GLIS3: variants seen among roughly 807,000 people sequenced by gnomAD.
The protein encoded by GLIS3 is zinc finger protein GLIS3.
In GLIS3, 53 loss-of-function variants were observed where a neutral mutation model predicts 78.6. That is an observed-to-expected ratio of 0.67 (90% CI 0.54 to 0.85). GLIS3 has a LOEUF of 0.85. GLIS3 is among the 40% of genes least tolerant of loss of function. GLIS3 has a pLI of 0.00. For missense variants in GLIS3, 1,703 were observed against 1,231.1 expected (o/e 1.38, Z -5.74); for synonymous variants, 684 against 509.9 (o/e 1.34, Z -4.60).
intron 2 of GLIS3, among the ~76,000 whole-genome samples, chr9:4,272,446 G>C (rs1170350838): frequency 1.3e-5 from 2 of 152,106 alleles, no homozygotes; most frequent in Non-Finnish European, 2.9e-5. Context: ...TCTGAAGTCA[G>C]CATAACATGG....
At chr9:4,307,725 CATAGAGAAACT>C (rs910715955) in intron 4 of GLIS3, among the ~76,000 whole-genome samples, 1 of 152,108 alleles carries the variant, frequency 6.6e-6, no homozygotes, top group African/African-American at 2.4e-5. Flanking sequence ...GAAGCAGAAG[CATAGAGAAACT>C]ATGTTACCAG....
chr9:4,255,424 A>G (rs967948835), intron 2 of GLIS3, among the ~76,000 whole-genome samples: 1 of 152,250 alleles, frequency 6.6e-6, no homozygotes, highest in Non-Finnish European at 1.5e-5. Context: ...ATAGATGTTT[A>G]TAGCAACTTT....
intron 2 of GLIS3, among the ~76,000 whole-genome samples, chr9:4,280,836 C>G (rs1047958212): frequency 1.6e-4 from 25 of 152,120 alleles, no homozygotes; most frequent in African/African-American, 6.0e-4. Context: ...GAAAGCTCCA[C>G]GATCTTGGAC....
chr9:4,308,258 C>T (rs56331475), intron 4 of GLIS3, among the ~76,000 whole-genome samples: 10,461 of 151,870 alleles, frequency 0.069, 504 homozygotes, highest in East Asian at 0.17. Context: ...CTGGAAGGAA[C>T]AGGAAGGGCA....
chr9:4,054,667 C>A (rs1007848149), intron 4 of GLIS3, among the ~76,000 whole-genome samples: 1 of 151,404 alleles, frequency 6.6e-6, no homozygotes, highest in African/African-American at 2.5e-5. Flanking sequence ...TAAAACTGTG[C>A]TGTTTCTCAA....
At chr9:4,445,111 G>C in the GLIS3 span, among the ~76,000 whole-genome samples, 2 of 152,198 alleles carry the variant, frequency 1.3e-5, no homozygotes, top group Admixed American at 1.3e-4. Flanking sequence ...GCACGGCACA[G>C]TGGTGCAATG....
chr9:4,454,138 T>C, the GLIS3 span, among the ~76,000 whole-genome samples: 1 of 129,874 alleles, frequency 7.7e-6, no homozygotes, highest in African/African-American at 2.9e-5. Flanking sequence ...TTTTGACAAA[T>C]GTATATGATG....
At chr9:4,208,081 TGCCAAGAGCAG>T (rs1357140589) in intron 2 of GLIS3, among the ~76,000 whole-genome samples, 1 of 152,240 alleles carries the variant, frequency 6.6e-6, no homozygotes, top group East Asian at 1.9e-4. Flanking sequence ...CCTCTTTGCC[TGCCAAGAGCAG>T]GCCTAACCAG....
At chr9:4,434,950 G>A in the GLIS3 span, among the ~76,000 whole-genome samples, 4 of 152,156 alleles carry the variant, frequency 2.6e-5, no homozygotes, top group South Asian at 2.1e-4. Context: ...GGAGAATCAA[G>A]AGTTATACTC....
intron 2 of GLIS3, among the ~76,000 whole-genome samples, chr9:4,154,288 C>G (rs189566314): frequency 3.4e-4 from 52 of 152,136 alleles, no homozygotes; most frequent in African/African-American, 1.2e-3. Flanking sequence ...CGTCACATCA[C>G]AAAAGAGAAT....
chr9:3,847,836 G>C (rs957703432), intron 9 of GLIS3, among the ~76,000 whole-genome samples: 1 of 152,202 alleles, frequency 6.6e-6, no homozygotes, highest in African/African-American at 2.4e-5. Flanking sequence ...TTAAGTATAT[G>C]AGAGTAATTA....
intron 2 of GLIS3, among the ~76,000 whole-genome samples, chr9:4,283,119 AC>A (rs1345900309): frequency 1.3e-5 from 2 of 151,710 alleles, no homozygotes; most frequent in East Asian, 2.0e-4. Flanking sequence ...ACACACACAC[AC>A]AGGAATGCAC....
intron 6 of GLIS3, among the ~76,000 whole-genome samples, chr9:3,926,813 T>C (rs1288246804): frequency 6.6e-6 from 1 of 151,610 alleles, no homozygotes; most frequent in Admixed American, 6.6e-5. Context: ...TTAGTAGAAA[T>C]GGGGATTCGT....
chr9:4,372,232 C>T, the GLIS3 span, among the ~76,000 whole-genome samples: 1,447 of 152,258 alleles, frequency 9.5e-3, 35 homozygotes, highest in African/African-American at 0.032. Context: ...GCCAGGACCC[C>T]GTGCTCAGAT....
At chr9:4,395,729 C>T in the GLIS3 span, among the ~76,000 whole-genome samples, 1 of 151,604 alleles carries the variant, frequency 6.6e-6, no homozygotes, top group African/African-American at 2.4e-5. Flanking sequence ...TTATCGTTTA[C>T]TACGGACACT....
chr9:4,110,544 C>G (rs550480325), intron 4 of GLIS3, among the ~76,000 whole-genome samples: 4 of 152,182 alleles, frequency 2.6e-5, no homozygotes, highest in African/African-American at 9.7e-5. Flanking sequence ...TTTCATTCCA[C>G]TTTCTCACCA....
chr9:4,159,635 C>G (rs1357774641), intron 2 of GLIS3, among the ~76,000 whole-genome samples: 6 of 151,884 alleles, frequency 4.0e-5, no homozygotes, highest in Non-Finnish European at 8.8e-5. Flanking sequence ...AGGGAAATTG[C>G]TTGAATCCGG....
the GLIS3 span, among the ~76,000 whole-genome samples, chr9:4,440,585 A>C: frequency 6.6e-6 from 1 of 152,224 alleles, no homozygotes; most frequent in Non-Finnish European, 1.5e-5. Flanking sequence ...TTTTTAAATC[A>C]GGTAGTGTTA....
chr9:3,965,823 G>C (rs1384429541), intron 4 of GLIS3, among the ~76,000 whole-genome samples: 1 of 152,140 alleles, frequency 6.6e-6, no homozygotes, highest in Non-Finnish European at 1.5e-5. Context: ...TGCTTATTTA[G>C]ACCCCAGGAA....
Sources: gnomAD v4.1 joint callset for allele counts (sites outside exome capture counted in the v4.1 genomes callset) on GRCh38, gnomAD v4.1.1 for gene constraint, MANE v1.5 for transcripts, NCBI Gene and HGNC (gene_info 2026-07-23, HGNC 2026-07-21) for gene names.